The following ALMS1 variants were observed in gnomAD, a reference collection of about 807,000 sequenced individuals.
ALMS1 encodes the protein centrosome-associated protein ALMS1.
In ALMS1, 271 loss-of-function variants were observed where a neutral mutation model predicts 352.2. That is an observed-to-expected ratio of 0.77 (90% confidence interval 0.70 to 0.85). ALMS1 has a LOEUF of 0.85. Among genes scored for constraint, ALMS1 ranks in the 40% least tolerant of loss-of-function variants. The pLI, the probability that ALMS1 is intolerant of heterozygous loss-of-function variation, is 0.00. For synonymous variants in ALMS1, 1,865 were observed against 1,761.2 expected, an observed-to-expected ratio of 1.06 and a Z score of -1.48; for missense variants, 5,445 against 4,870.7, an observed-to-expected ratio of 1.12 and a Z score of -3.51.
chr2:73,525,685 C>A lies in ALMS1; in HGVS notation c.9781+5669C>A, dbSNP rs559630720. 4.6e-5 allele frequency among the ~76,000 whole-genome samples: 7 copies of A among 152,084 alleles called. No individual in the cohort carries two copies. The South Asian group carries it at 1.2e-3, about 27-fold the overall frequency. On this transcript the variant is annotated intron_variant, in intron 11 of 22. Coordinates refer to ENST00000613296, the MANE Select transcript of ALMS1 (RefSeq NM_001378454.1). ...CTTTATACATTATGGCTACTAATCCCTTGTCAGATGGATAGTTTGCAAATG... is the reference window on the plus strand; with the variant it reads ...CTTTATACATTATGGCTACTAATCCATTGTCAGATGGATAGTTTGCAAATG...
At chr2:73,438,967 A>G (rs927504580) in intron 7 of ALMS1, among the ~76,000 whole-genome samples, 6 of 150,048 alleles carry the variant, frequency 4.0e-5, no homozygotes, top group African/African-American at 1.0e-4. Flanking sequence ...AGCCACTCCT[A>G]TAGAATAGTT....
chr2:73,591,347 T>G (rs954092121), intron 16 of ALMS1, among the ~76,000 whole-genome samples: 1 of 152,192 alleles, frequency 6.6e-6, no homozygotes, highest in Non-Finnish European at 1.5e-5. Flanking sequence ...TAGGTATAAA[T>G]TTATTTCCAA....
Position 73,386,204 on chromosome 2 carries a change from C to G in ALMS1, c.324+12C>G. The G allele has an allele frequency of 6.6e-7, 1 of 1,520,892 alleles. No homozygotes were observed. The highest frequency in any genetic ancestry group is 8.8e-7 in the Non-Finnish European group (1 of 1,131,148). The allele number at this position is 1,520,892 out of a possible 1,614,324, so 94.2% of individuals were successfully genotyped here. A position where few individuals can be genotyped will look rare whatever the true frequency, so the allele number is the denominator to read the frequency against. ...CCTCCCTGGAGAAGGTGAGGCGGGC[C>G]GGGGAGGGGTGTGGAGCCGCGGCGA... On this transcript the variant is annotated intron_variant, in intron 1 of 22. Coordinates refer to ENST00000613296, the MANE Select transcript of ALMS1 (RefSeq NM_001378454.1).
At chr2:73,443,974 G>A (rs1671763478) in intron 7 of ALMS1, among the ~76,000 whole-genome samples, 2 of 151,980 alleles carry the variant, frequency 1.3e-5, no homozygotes, top group African/African-American at 4.8e-5. Flanking sequence ...ATGTTTTTTG[G>A]TGGGTATTGG....
intron 5 of ALMS1, 147 bp downstream of exon 5, chr2:73,425,049 A>G (rs1671354217): frequency 1.7e-6 from 1 of 585,866 alleles, no homozygotes; most frequent in Non-Finnish European, 2.9e-6. Flanking sequence ...GTGTGTAATC[A>G]GTAAGGACTG....
intron 16 of ALMS1, among the ~76,000 whole-genome samples, chr2:73,587,249 C>G (rs185297110): frequency 1.8e-4 from 28 of 152,180 alleles, no homozygotes; most frequent in Middle Eastern, 6.8e-3. Context: ...TCCTATTTAC[C>G]TGCTTGGGTG....
chr2:73,551,411 A>ATTTGAGTTT (rs1674428895), intron 13 of ALMS1, among the ~76,000 whole-genome samples: 1 of 68,368 alleles, frequency 1.5e-5, no homozygotes, highest in Non-Finnish European at 2.9e-5. Context: ...CACTGTGGGT[A>ATTTGAGTTT]TTTGAGTTTC....
intron 10 of ALMS1, among the ~76,000 whole-genome samples, chr2:73,499,828 C>A (rs1221063391): frequency 6.6e-6 from 1 of 152,078 alleles, no homozygotes; most frequent in Non-Finnish European, 1.5e-5. Flanking sequence ...GCTCGTAGTT[C>A]ACCCAAGAGC....
rs1273406580 is a variant in ALMS1, at chr2:73,572,710, A to G, written c.10833A>G (p.Gln3611=). The G allele has an allele frequency of 6.2e-6, 10 of 1,614,112 alleles. No individual in the cohort carries two copies. Among genetic ancestry groups the G allele is most frequent in the Non-Finnish European group, 8.5e-6 (10 of 1,180,004 alleles). ...LWNKYRERQR[Q]QRQPELGDRK... Reference sequence around the variant, plus strand: ...ACAAGTATCGGGAGCGACAGAGGCAACAGAGACAGCCTGAGTTGGGTGACA... The same window carrying G: ...ACAAGTATCGGGAGCGACAGAGGCAGCAGAGACAGCCTGAGTTGGGTGACA... The change falls in exon 16 of 23, where the codon CAA becomes CAG. Residue 3611 remains glutamine (Q), a synonymous_variant. Transcript: ENST00000613296.
intron 9 of ALMS1, chr2:73,470,333 C>G (rs1672441736): frequency 6.6e-6 from 1 of 151,412 alleles, no homozygotes; most frequent in Non-Finnish European, 1.5e-5. Flanking sequence ...TCATTAGAAA[C>G]TTCCCTCTTA....
At chr2:73,488,690 A>G (rs566697001) in intron 9 of ALMS1, among the ~76,000 whole-genome samples, 8 of 152,346 alleles carry the variant, frequency 5.3e-5, no homozygotes, top group African/African-American at 1.9e-4. Flanking sequence ...GCTGCCATCA[A>G]AAATATATCT....
intron 4 of ALMS1, among the ~76,000 whole-genome samples, chr2:73,423,557 T>C (rs1348508062): frequency 8.5e-6 from 1 of 117,660 alleles, no homozygotes; most frequent in African/African-American, 4.2e-5. Flanking sequence ...TTCAAGAATA[T>C]GTTTTCTTCT....
At chr2:73,400,811 A>G (rs982361457) in intron 1 of ALMS1, among the ~76,000 whole-genome samples, 1 of 151,892 alleles carries the variant, frequency 6.6e-6, no homozygotes, top group Non-Finnish European at 1.5e-5. Context: ...TTTTTGAGAC[A>G]GAGTCTTGCT....
At chr2:73,544,007 A>G (rs1448109261) in intron 12 of ALMS1, among the ~76,000 whole-genome samples, 2 of 152,214 alleles carry the variant, frequency 1.3e-5, no homozygotes, top group Non-Finnish European at 2.9e-5. Flanking sequence ...CAGCCATTCC[A>G]TTAACTGGGT....
chr2:73,482,860 T>C (rs1405031411), intron 9 of ALMS1, among the ~76,000 whole-genome samples: 1 of 151,972 alleles, frequency 6.6e-6, no homozygotes, highest in African/African-American at 2.4e-5. Flanking sequence ...TCTAGTTTAT[T>C]TGCATAGAGG....
chr2:73,606,128 T>C (rs1675811950), intron 21 of ALMS1, among the ~76,000 whole-genome samples: 1 of 152,218 alleles, frequency 6.6e-6, no homozygotes, highest in African/African-American at 2.4e-5. Context: ...TCACTAACAT[T>C]TTTTTGTTTT....
chr2:73,466,778 A>C (rs1347195799), intron 9 of ALMS1, among the ~76,000 whole-genome samples: 7 of 152,136 alleles, frequency 4.6e-5, no homozygotes, highest in Admixed American at 6.6e-5. Flanking sequence ...TAAATACTTA[A>C]GTATATGAAA....
intron 16 of ALMS1, among the ~76,000 whole-genome samples, chr2:73,578,317 T>C (rs1349843164): frequency 6.6e-6 from 1 of 152,202 alleles, no homozygotes; most frequent in Non-Finnish European, 1.5e-5. Context: ...ATGGTCATTT[T>C]TTATAAGCTA....
At chr2:73,581,567 C>T (rs1301592749) in intron 16 of ALMS1, among the ~76,000 whole-genome samples, 1 of 152,120 alleles carries the variant, frequency 6.6e-6, no homozygotes, top group African/African-American at 2.4e-5. Context: ...TACTATAAAC[C>T]TTTGACTATC....
Sources: allele counts gnomAD v4.1 joint callset (sites outside exome capture counted in the v4.1 genomes callset), GRCh38; gene constraint gnomAD v4.1.1; transcripts MANE v1.5; gene names NCBI Gene and HGNC (gene_info 2026-07-23, HGNC 2026-07-21).